The following MAOA variants were observed in gnomAD, a reference collection of about 807,000 sequenced individuals.
The protein encoded by MAOA is amine oxidase [flavin-containing] A.
A neutral mutation model predicts 42.0 loss-of-function variants in MAOA; 6 were observed. The observed-to-expected ratio is 0.14, with a 90% CI of 0.08 to 0.28. The LOEUF is 0.28. Among genes scored for constraint, MAOA ranks in the 10% least tolerant of loss-of-function variants. The probability of loss-of-function intolerance (pLI) is 1.00; values close to 1 mark genes in which losing one functional copy is unlikely to be tolerated. For missense variants in MAOA, 262 were observed against 422.3 expected, an observed-to-expected ratio of 0.62 and a Z score of 3.33; for synonymous variants, 140 against 154.0, an observed-to-expected ratio of 0.91 and a Z score of 0.67.
intron 3 of MAOA, among the ~76,000 whole-genome samples, chrX:43,708,212 G>T (rs945507943): frequency 1.8e-5 from 2 of 111,267 alleles, no homozygotes; most frequent in African/African-American, 3.3e-5. Context: ...AGCTTTCAGA[G>T]TGTAGGTACA....
At chrX:43,724,104 G>T (rs1269559686) in intron 5 of MAOA, among the ~76,000 whole-genome samples, 5 of 111,386 alleles carry the variant, frequency 4.5e-5, no homozygotes, top group Non-Finnish European at 9.4e-5. Flanking sequence ...GAGGATTTTC[G>T]CATCAATGTT....
At chrX:43,656,472 C>G in intron 1 of MAOA, 58 bp downstream of exon 1, 1 of 1,012,679 alleles carries the variant, frequency 9.9e-7, no homozygotes, top group Non-Finnish European at 1.4e-6. Flanking sequence ...GGTAGGGGAA[C>G]CTACAGTAGC....
intron 10 of MAOA, among the ~76,000 whole-genome samples, chrX:43,738,545 G>A (rs941983221): frequency 1.8e-5 from 2 of 111,884 alleles, no homozygotes; most frequent in Non-Finnish European, 3.8e-5. Context: ...AGCAGGCCTG[G>A]CGCATTGGCT....
intron 1 of MAOA, among the ~76,000 whole-genome samples, chrX:43,667,331 C>A (rs1179117823): frequency 9.0e-6 from 1 of 111,101 alleles, no homozygotes; most frequent in East Asian, 2.8e-4. Flanking sequence ...GTCTCTCTTT[C>A]CCATAAAAGT....
At chrX:43,738,266 G>A (rs1021849990) in intron 10 of MAOA, among the ~76,000 whole-genome samples, 22 of 111,724 alleles carry the variant, frequency 2.0e-4, no homozygotes, top group African/African-American at 6.8e-4. Flanking sequence ...ATCAATCAGT[G>A]CATTGTTTTA....
In MAOA at chrX:43,711,489, C is replaced by G. The variant is rs2033699371; in HGVS notation, c.307-383C>G. On this transcript the variant is annotated intron_variant, in intron 3 of 14. Coordinates refer to ENST00000338702, the MANE Select transcript of MAOA (RefSeq NM_000240.4). ...CAGTCCTCCACGTCATCATCCTGCT[C>G]TCGTCTAAGTGGGAACAGCTTTCTC... 5.3e-5 allele frequency among the ~76,000 whole-genome samples: 6 copies of G among 112,233 alleles called. No homozygotes were observed. The Admixed American group carries it at 5.7e-4, about 11-fold the overall frequency.
At chrX:43,688,030 A>G (rs1601933332) in intron 2 of MAOA, among the ~76,000 whole-genome samples, 1 of 112,125 alleles carries the variant, frequency 8.9e-6, no homozygotes, top group South Asian at 3.7e-4. Flanking sequence ...GAGCCTTTCA[A>G]ATGTAACTCA....
chrX:43,733,262 G>C (rs760102854), intron 9 of MAOA, among the ~76,000 whole-genome samples: 2 of 112,618 alleles, frequency 1.8e-5, no homozygotes, highest in Non-Finnish European at 3.8e-5. Flanking sequence ...ATATAAGACA[G>C]CTGACCAATT....
At chrX:43,730,514 C>T (rs1432586825) in intron 6 of MAOA, among the ~76,000 whole-genome samples, 5 of 80,966 alleles carry the variant, frequency 6.2e-5, no homozygotes, top group South Asian at 7.6e-4. Flanking sequence ...TTTTTTGAGA[C>T]GGAGTCTAGC....
chrX:43,691,916 A>G (rs2033536778), intron 2 of MAOA, among the ~76,000 whole-genome samples: 1 of 110,378 alleles, frequency 9.1e-6, no homozygotes, highest in African/African-American at 3.3e-5. Flanking sequence ...GGAAATGTTG[A>G]ATAATACTAG....
chrX:43,711,700 G>A (rs2033700720), intron 3 of MAOA, among the ~76,000 whole-genome samples, 172 bp from the exon 4 acceptor site: 1 of 112,023 alleles, frequency 8.9e-6, no homozygotes, highest in South Asian at 3.7e-4. Flanking sequence ...TTAAATTGGG[G>A]CCTGTATAGG....
intron 10 of MAOA, 28 bp from the exon 11 acceptor site, chrX:43,740,653 T>A (rs200388433): frequency 5.6e-4 from 579 of 1,035,795 alleles, no homozygotes; most frequent in Non-Finnish European, 3.9e-4. Context: ...TAACTTTATT[T>A]TTTTTTTTTT....
intron 3 of MAOA, among the ~76,000 whole-genome samples, chrX:43,709,524 C>G (rs1386490043): frequency 2.7e-5 from 3 of 111,499 alleles, no homozygotes; most frequent in African/African-American, 9.8e-5. Context: ...ATTCTCCTGC[C>G]TCAGCCTCCC....
chrX:43,705,017 A>G (rs1569196189), intron 3 of MAOA, among the ~76,000 whole-genome samples: 4 of 112,132 alleles, frequency 3.6e-5, no homozygotes, highest in African/African-American at 9.7e-5. Context: ...TAGGGTGACA[A>G]TACTTCCCAA....
At chrX:43,685,889 T>C (rs2033484021) in intron 2 of MAOA, among the ~76,000 whole-genome samples, 1 of 112,022 alleles carries the variant, frequency 8.9e-6, no homozygotes, top group African/African-American at 3.3e-5. Flanking sequence ...AAGCTATTGG[T>C]CTGGGAGTGA....
chrX:43,711,804 T>C (rs929648904), intron 3 of MAOA, 68 bp from the exon 4 acceptor site: 62 of 895,069 alleles, frequency 6.9e-5, no homozygotes, highest in Non-Finnish European at 9.8e-5. Context: ...TTTTTTGTTG[T>C]TTTAGAACAC....
intron 10 of MAOA, among the ~76,000 whole-genome samples, chrX:43,738,371 C>T (rs1175195044): frequency 9.8e-5 from 11 of 112,010 alleles, no homozygotes; most frequent in Non-Finnish European, 2.1e-4. Flanking sequence ...GTGAACACAT[C>T]CTTGGCTCTT....
chrX:43,679,949 A>G (rs1282380825), intron 1 of MAOA, among the ~76,000 whole-genome samples: 1 of 112,086 alleles, frequency 8.9e-6, no homozygotes, highest in Non-Finnish European at 1.9e-5. Flanking sequence ...ATTAGTCAGC[A>G]CAAACTTTGG....
At chrX:43,724,695 T>TTC (rs1437788598) in intron 5 of MAOA, among the ~76,000 whole-genome samples, 1 of 111,359 alleles carries the variant, frequency 9.0e-6, no homozygotes, top group Non-Finnish European at 1.9e-5. Context: ...CTGATCTTAG[T>TTC]TATTTCTTGT....
Sources: gnomAD v4.1 joint callset for allele counts (sites outside exome capture counted in the v4.1 genomes callset) on GRCh38, gnomAD v4.1.1 for gene constraint, MANE v1.5 for transcripts, NCBI Gene and HGNC (gene_info 2026-07-23, HGNC 2026-07-21) for gene names.